PLCB1: variants seen among roughly 807,000 people sequenced by gnomAD.
PLCB1 encodes phospholipase C beta 1.
Under a neutral mutation model 161.8 loss-of-function variants are expected in PLCB1, and 46 were observed. The observed-to-expected ratio is 0.28, with a 90% CI of 0.22 to 0.36. PLCB1 has a LOEUF of 0.36. Among genes scored for constraint, PLCB1 ranks in the 10% least tolerant of loss-of-function variants. The probability of loss-of-function intolerance (pLI) is 1.00; values close to 1 mark genes in which losing one functional copy is unlikely to be tolerated. For synonymous variants in PLCB1, 517 were observed against 503.7 expected, an observed-to-expected ratio of 1.03 and a Z score of -0.35; for missense variants, 1,016 against 1,472.5, an observed-to-expected ratio of 0.69 and a Z score of 5.07.
At chr20:8,426,230 C>A (rs1979763721) in intron 3 of PLCB1, among the ~76,000 whole-genome samples, 1 of 152,200 alleles carries the variant, frequency 6.6e-6, no homozygotes, top group Admixed American at 6.5e-5. Context: ...AAATGTGCTA[C>A]TTTAACTCTC....
chr20:8,720,558 G>A (rs1030917854), intron 14 of PLCB1, among the ~76,000 whole-genome samples: 14 of 152,172 alleles, frequency 9.2e-5, no homozygotes, highest in Admixed American at 3.3e-4. Context: ...CCTCTTGCAG[G>A]ATTCAGCCCT....
intron 31 of PLCB1, among the ~76,000 whole-genome samples, chr20:8,874,258 AC>A (rs1987705593): frequency 1.4e-5 from 2 of 146,658 alleles, no homozygotes; most frequent in East Asian, 4.0e-4. Context: ...ACACACACGC[AC>A]AACAGATGCT....
intron 19 of PLCB1, among the ~76,000 whole-genome samples, chr20:8,736,697 A>C (rs1245539709): frequency 1.3e-5 from 2 of 152,148 alleles, no homozygotes; most frequent in South Asian, 4.1e-4. Context: ...TGAGGGGGGA[A>C]CTGCCACACA....
At chr20:8,675,111 A>G (rs1390855401) in intron 9 of PLCB1, among the ~76,000 whole-genome samples, 1 of 152,160 alleles carries the variant, frequency 6.6e-6, no homozygotes, top group African/African-American at 2.4e-5. Flanking sequence ...AAGTATCAAC[A>G]TATCTGATGA....
chr20:8,734,213 A>G (rs1019339447), intron 19 of PLCB1, among the ~76,000 whole-genome samples: 10 of 148,096 alleles, frequency 6.8e-5, no homozygotes, highest in Non-Finnish European at 1.2e-4. Context: ...ATTCTTAATG[A>G]TAAAAATCTG....
chr20:8,683,952 C>G (rs1419703844), intron 9 of PLCB1, among the ~76,000 whole-genome samples: 1 of 151,414 alleles, frequency 6.6e-6, no homozygotes, highest in Non-Finnish European at 1.5e-5. Context: ...GGTGCGATCT[C>G]AGCTCACTGC....
At chr20:8,606,421 C>T (rs1236551475) in intron 3 of PLCB1, among the ~76,000 whole-genome samples, 1 of 152,098 alleles carries the variant, frequency 6.6e-6, no homozygotes, top group Admixed American at 6.6e-5. Flanking sequence ...CCAGTAACAG[C>T]ATCTCCCTCA....
chr20:8,764,955 CAT>C, intron 25 of PLCB1, among the ~76,000 whole-genome samples, 182 bp from the exon 26 acceptor site: 1 of 152,280 alleles, frequency 6.6e-6, no homozygotes, highest in Middle Eastern at 3.4e-3. Context: ...AGTTTAGTAA[CAT>C]AGTCTCAAAG....
intron 2 of PLCB1, among the ~76,000 whole-genome samples, chr20:8,351,337 ACT>A (rs890460577): frequency 1.8e-4 from 27 of 152,050 alleles, no homozygotes; most frequent in African/African-American, 6.3e-4. Context: ...AAAAAAATTA[ACT>A]CAAAATGAGT....
At chr20:8,357,857 G>GT (rs1399783443) in intron 2 of PLCB1, among the ~76,000 whole-genome samples, 1 of 152,204 alleles carries the variant, frequency 6.6e-6, no homozygotes, top group East Asian at 1.9e-4. Flanking sequence ...TTCTTTTGTG[G>GT]TTTTCTTTCT....
At position 8,523,494 on chromosome 20, in the gene PLCB1, C is replaced by CA. The variant is rs1555766825; in HGVS notation, c.247-104800_247-104799insA. 1.5e-3 allele frequency among the ~76,000 whole-genome samples: 72 copies of CA among 49,596 alleles called. 12 individuals are homozygous for CA. Among genetic ancestry groups the CA allele is most frequent in the African/African-American group, 3.4e-3 (43 of 12,568 alleles). The allele number at this position is 49,596 out of a possible 152,430, so 32.5% of individuals were successfully genotyped here. On this transcript the variant is annotated intron_variant, in intron 3 of 31. Transcript: ENST00000338037. ...TCTCTCTCTCTCTCTCTCTCTCTCT[C>CA]TCTATATATATATATATATATATAT... is the stretch of plus-strand genomic sequence containing the variant.
intron 2 of PLCB1, among the ~76,000 whole-genome samples, chr20:8,210,175 A>G (rs1316936942): frequency 6.6e-6 from 1 of 152,172 alleles, no homozygotes; most frequent in Non-Finnish European, 1.5e-5. Flanking sequence ...TCAAAAAATT[A>G]TTTCATGTGT....
chr20:8,518,441 G>A (rs1260262158), intron 3 of PLCB1, among the ~76,000 whole-genome samples: 1 of 152,054 alleles, frequency 6.6e-6, no homozygotes, highest in African/African-American at 2.4e-5. Flanking sequence ...AAACCCTACT[G>A]GGGAGAAAAT....
intron 2 of PLCB1, among the ~76,000 whole-genome samples, chr20:8,347,906 A>T (rs2122245807): frequency 6.6e-6 from 1 of 152,136 alleles, no homozygotes; most frequent in Non-Finnish European, 1.5e-5. Context: ...CGGGAGGTGG[A>T]GCTTGCAGTG....
intron 27 of PLCB1, among the ~76,000 whole-genome samples, chr20:8,786,652 C>T (rs529867791): frequency 6.6e-6 from 1 of 150,598 alleles, no homozygotes; most frequent in Non-Finnish European, 1.5e-5. Context: ...CCGCATAGGG[C>T]AATTCTCAGA....
chr20:8,424,012 C>T (rs903285860), intron 3 of PLCB1, among the ~76,000 whole-genome samples: 1 of 152,136 alleles, frequency 6.6e-6, no homozygotes, highest in Non-Finnish European at 1.5e-5. Flanking sequence ...ACCAAGACTG[C>T]CCTCTGGAAG....
At chr20:8,324,169 G>C (rs1411326223) in intron 2 of PLCB1, among the ~76,000 whole-genome samples, 1 of 151,304 alleles carries the variant, frequency 6.6e-6, no homozygotes, top group African/African-American at 2.4e-5. Context: ...ACAGAACTTA[G>C]TCCTAGTTCA....
intron 31 of PLCB1, among the ~76,000 whole-genome samples, chr20:8,874,359 A>G (rs1052761899): frequency 1.3e-5 from 2 of 152,014 alleles, no homozygotes; most frequent in African/African-American, 4.8e-5. Context: ...TTAAGGTAAC[A>G]TAACCATACA....
At chr20:8,819,114 A>G (rs1171992250) in intron 31 of PLCB1, among the ~76,000 whole-genome samples, 1 of 152,194 alleles carries the variant, frequency 6.6e-6, no homozygotes, top group African/African-American at 2.4e-5. Flanking sequence ...AAGATTCATC[A>G]CATATCAAAA....
Sources: allele counts gnomAD v4.1 joint callset (sites outside exome capture counted in the v4.1 genomes callset), GRCh38; gene constraint gnomAD v4.1.1; transcripts MANE v1.5; gene names NCBI Gene and HGNC (gene_info 2026-07-23, HGNC 2026-07-21).